Variants in DNAJC1 observed in about 807,000 individuals in gnomAD.
DNAJC1 encodes DnaJ heat shock protein family (Hsp40) member C1.
In DNAJC1, 58 loss-of-function variants were observed where a neutral mutation model predicts 76.6. That is an observed-to-expected ratio of 0.76 (90% CI 0.61 to 0.94). The LOEUF is 0.94. Among genes scored for constraint, DNAJC1 ranks in the 40% least tolerant of loss-of-function variants. DNAJC1 has a pLI of 0.00. For missense variants in DNAJC1, 689 were observed against 677.3 expected (o/e 1.02, Z -0.19); for synonymous variants, 258 against 267.9 (o/e 0.96, Z 0.36).
intron 7 of DNAJC1, among the ~76,000 whole-genome samples, chr10:21,889,655 G>C (rs1010969398): frequency 6.6e-6 from 1 of 152,112 alleles, no homozygotes; most frequent in Non-Finnish European, 1.5e-5. Context: ...AGTTTTCTTT[G>C]TGTTTCTTAT....
chr10:21,987,673 G>A (rs1003566766), intron 1 of DNAJC1, among the ~76,000 whole-genome samples: 8 of 152,048 alleles, frequency 5.3e-5, no homozygotes, highest in Admixed American at 2.0e-4. Flanking sequence ...ATAGGTTAAA[G>A]CCTTCAAAAT....
intron 7 of DNAJC1, among the ~76,000 whole-genome samples, chr10:21,894,700 C>G (rs143112233): frequency 1.8e-4 from 27 of 152,290 alleles, no homozygotes; most frequent in African/African-American, 6.3e-4. Flanking sequence ...ACGTTTGTGT[C>G]CCCTCCAAAA....
intron 7 of DNAJC1, among the ~76,000 whole-genome samples, chr10:21,903,357 T>C (rs984972919): frequency 6.6e-6 from 1 of 152,256 alleles, no homozygotes; most frequent in African/African-American, 2.4e-5. Context: ...TGCACACTCC[T>C]ACTTTTTAAC....
At chr10:21,817,437 ATTT>A (rs1363477138) in intron 8 of DNAJC1, among the ~76,000 whole-genome samples, 1 of 151,570 alleles carries the variant, frequency 6.6e-6, no homozygotes, top group African/African-American at 2.4e-5. Context: ...TTTTCCCCTC[ATTT>A]TTTATTTTTA....
intron 9 of DNAJC1, among the ~76,000 whole-genome samples, chr10:21,804,404 G>T (rs554871827): frequency 6.6e-6 from 1 of 151,858 alleles, no homozygotes; most frequent in Non-Finnish European, 1.5e-5. Flanking sequence ...AATTATTTTA[G>T]TTTCTTTTGA....
rs200300995 is a variant in DNAJC1 at position 21,806,061 on chromosome 10, T to C, written c.1017A>G (p.Thr339=). ...CTCCTGGGAACTTAACCATACTTCTTGTCAGTTGGCTGAGGTCCTCTTCTG... is the reference window on the plus strand; with the variant it reads ...CTCCTGGGAACTTAACCATACTTCTCGTCAGTTGGCTGAGGTCCTCTTCTG... ...EWTEEDLSQL[T]RSMVKFPGGT... Residue 339 remains threonine, a synonymous_variant, in exon 9 of 12, where the codon ACA becomes ACG. Coordinates refer to ENST00000376980, the MANE Select transcript of DNAJC1 (RefSeq NM_022365.4). 1.4e-5 allele frequency: 23 copies of C among 1,612,222 alleles called. 1 individual carries two copies. In the Admixed American group the frequency reaches 3.3e-4, roughly 23 times the overall value.
intron 1 of DNAJC1, among the ~76,000 whole-genome samples, chr10:21,994,057 C>G (rs941181059): frequency 4.6e-5 from 7 of 152,190 alleles, no homozygotes; most frequent in Non-Finnish European, 1.0e-4. Context: ...TGAGAACAGT[C>G]CTCAAGGCAG....
At chr10:21,816,735 C>T (rs1373992558) in intron 8 of DNAJC1, among the ~76,000 whole-genome samples, 6 of 148,078 alleles carry the variant, frequency 4.1e-5, no homozygotes, top group South Asian at 2.2e-4. Context: ...TTAGTAGAGA[C>T]GGGGTTTCAC....
At chr10:21,784,530 C>G (rs886958199) in intron 9 of DNAJC1, among the ~76,000 whole-genome samples, 3 of 152,156 alleles carry the variant, frequency 2.0e-5, no homozygotes, top group African/African-American at 7.2e-5. Context: ...TACCATTTGA[C>G]CCAGCCATCA....
chr10:21,831,614 C>T (rs867228022), intron 8 of DNAJC1, among the ~76,000 whole-genome samples: 1 of 151,890 alleles, frequency 6.6e-6, no homozygotes, highest in Non-Finnish European at 1.5e-5. Flanking sequence ...CATGGTGAAA[C>T]CCCATCTCTA....
rs765436601 is a variant in DNAJC1, at chr10:21,766,309, C to G, written c.1099G>C (p.Val367Leu). Residue 367 changes from valine (V) to leucine (L), a missense_variant and splice_region_variant, in exon 10 of 12, where the codon GTG (valine) becomes CTG (leucine). By Grantham distance (32) the Val-to-Leu change is conservative (BLOSUM62 1). Coordinates refer to ENST00000376980, the MANE Select transcript of DNAJC1 (RefSeq NM_022365.4). ...TTCAGTTGCTTGGCTTTGGTTGTCACCTGTTTCAAAACATAAAAGCAAAAA... is the reference window on the plus strand; with the variant it reads ...TTCAGTTGCTTGGCTTTGGTTGTCAGCTGTTTCAAAACATAAAAGCAAAAA... ...AHELGRSVTDVTTKAKQLKDS... is the reference protein window; with the variant it reads ...AHELGRSVTDLTTKAKQLKDS... The G allele has an allele frequency of 2.5e-6, 4 of 1,613,682 alleles. No individual in the cohort carries two copies. The highest frequency in any genetic ancestry group is 2.2e-5 in the South Asian group (2 of 91,076).
intron 1 of DNAJC1, among the ~76,000 whole-genome samples, chr10:21,952,228 A>G (rs1218439036): frequency 6.6e-6 from 1 of 152,232 alleles, no homozygotes; most frequent in Non-Finnish European, 1.5e-5. Flanking sequence ...ACTACTTTTC[A>G]TGCTTCTCAT....
At chr10:21,925,055 C>T (rs947572358) in intron 3 of DNAJC1, among the ~76,000 whole-genome samples, 3 of 152,080 alleles carry the variant, frequency 2.0e-5, no homozygotes, top group African/African-American at 4.8e-5. Context: ...TACAATGGCA[C>T]GATCATGGCT....
At chr10:21,780,357 T>C (rs1834510956) in intron 9 of DNAJC1, among the ~76,000 whole-genome samples, 1 of 152,220 alleles carries the variant, frequency 6.6e-6, no homozygotes. Flanking sequence ...AAGGTTGGGT[T>C]ACCCACAAAG....
At chr10:21,970,259 T>C (rs1837957006) in intron 1 of DNAJC1, among the ~76,000 whole-genome samples, 1 of 152,078 alleles carries the variant, frequency 6.6e-6, no homozygotes, top group African/African-American at 2.4e-5. Context: ...ATTCTCTGTG[T>C]CCTTCCAAAT....
chr10:21,987,595 C>A (rs549447765), intron 1 of DNAJC1, among the ~76,000 whole-genome samples: 2 of 152,250 alleles, frequency 1.3e-5, no homozygotes, highest in Admixed American at 1.3e-4. Flanking sequence ...AAATCTACTT[C>A]ATTTAACCCA....
At chr10:21,922,286 C>T (rs1044143562) in intron 3 of DNAJC1, among the ~76,000 whole-genome samples, 1 of 151,950 alleles carries the variant, frequency 6.6e-6, no homozygotes, top group Non-Finnish European at 1.5e-5. Flanking sequence ...TTATTACAGG[C>T]AACTTCTTTT....
intron 1 of DNAJC1, among the ~76,000 whole-genome samples, chr10:21,984,734 T>C (rs1327746261): frequency 1.3e-5 from 2 of 152,168 alleles, no homozygotes; most frequent in East Asian, 1.9e-4. Context: ...TAAAATCTAA[T>C]CAAAAGACAT....
At chr10:21,794,438 A>G (rs1443595148) in intron 9 of DNAJC1, among the ~76,000 whole-genome samples, 1 of 152,156 alleles carries the variant, frequency 6.6e-6, no homozygotes, top group African/African-American at 2.4e-5. Context: ...ATGTTCATGA[A>G]TTTGAACATT....
Sources: allele counts gnomAD v4.1 joint callset (sites outside exome capture counted in the v4.1 genomes callset), GRCh38; gene constraint gnomAD v4.1.1; transcripts MANE v1.5; gene names NCBI Gene and HGNC (gene_info 2026-07-23, HGNC 2026-07-21).